The following IQGAP2 variants were observed in gnomAD, a reference collection of about 807,000 sequenced individuals.
The protein encoded by IQGAP2 is IQ motif containing GTPase activating protein 2.
In IQGAP2, 173 loss-of-function variants were observed where a neutral mutation model predicts 201.3. The ratio of observed to expected loss-of-function variants is 0.86; its 90% CI spans 0.76 to 0.98. IQGAP2 has a LOEUF of 0.98. Ranked by LOEUF, IQGAP2 falls within the 50% of genes least tolerant of loss-of-function variation. The probability of loss-of-function intolerance (pLI) is 0.00; values close to 1 mark genes in which losing one functional copy is unlikely to be tolerated. For synonymous variants in IQGAP2, 675 were observed against 673.9 expected (o/e 1.00, Z -0.03); for missense variants, 1,687 against 1,864.8 (o/e 0.90, Z 1.76).
chr5:76,616,091 C>T (rs573977751), intron 13 of IQGAP2: 1 of 152,526 alleles, frequency 6.6e-6, no homozygotes, highest in Non-Finnish European at 1.5e-5. Flanking sequence ...AGGATGAGCA[C>T]CTTCTCCATT....
At chr5:76,564,620 G>A (rs1179818714) in intron 3 of IQGAP2, among the ~76,000 whole-genome samples, 2 of 152,196 alleles carry the variant, frequency 1.3e-5, no homozygotes, top group Non-Finnish European at 2.9e-5. Context: ...TTCTCCTCCT[G>A]GCATCAGATA....
chr5:76,444,995 G>A lies in IQGAP2; in HGVS notation c.47-16575G>A, dbSNP rs148429128. 7.4e-4 allele frequency among the ~76,000 whole-genome samples: 113 copies of A among 152,276 alleles called. 1 individual carries two copies. In the South Asian group the frequency reaches 0.017, roughly 23 times the overall value. ...TACCATTTCTAATTTGAAACTCTTT[G>A]GTTCTGTGAAATTGGTTAAAGAGGC... On this transcript the variant is annotated intron_variant, in intron 1 of 35. Transcript: ENST00000274364.
intron 5 of IQGAP2, among the ~76,000 whole-genome samples, chr5:76,585,156 A>C (rs902121594): frequency 6.6e-6 from 1 of 152,354 alleles, no homozygotes; most frequent in Non-Finnish European, 1.5e-5. Flanking sequence ...TAGAGGTGGA[A>C]GCATCTAAGG....
intron 1 of IQGAP2, among the ~76,000 whole-genome samples, chr5:76,409,565 G>C (rs188666875): frequency 2.0e-5 from 3 of 152,180 alleles, no homozygotes; most frequent in South Asian, 2.1e-4. Context: ...GCTTTTCATA[G>C]AATACATCCA....
intron 16 of IQGAP2, among the ~76,000 whole-genome samples, chr5:76,639,561 G>A (rs987929271): frequency 6.6e-5 from 10 of 152,238 alleles, no homozygotes; most frequent in East Asian, 3.9e-4. Flanking sequence ...GGATCCACGC[G>A]TCATAATATG....
At chr5:76,452,408 A>G (rs1437497359) in intron 1 of IQGAP2, among the ~76,000 whole-genome samples, 1 of 151,980 alleles carries the variant, frequency 6.6e-6, no homozygotes, top group Non-Finnish European at 1.5e-5. Flanking sequence ...AGGAAGGGGG[A>G]CAGCCCTTGT....
intron 2 of IQGAP2, among the ~76,000 whole-genome samples, chr5:76,536,304 C>G (rs758774847): frequency 2.0e-5 from 3 of 150,850 alleles, no homozygotes; most frequent in Non-Finnish European, 4.4e-5. Context: ...CTACAGACCT[C>G]AGGTGATCCA....
intron 10 of IQGAP2, among the ~76,000 whole-genome samples, chr5:76,597,963 A>G (rs1455545007): frequency 6.6e-6 from 1 of 152,210 alleles, no homozygotes; most frequent in East Asian, 1.9e-4. Flanking sequence ...AAATAAGCTC[A>G]ATCTGCAATT....
intron 1 of IQGAP2, among the ~76,000 whole-genome samples, chr5:76,424,927 G>C (rs1297689889): frequency 6.6e-6 from 1 of 152,210 alleles, no homozygotes; most frequent in Admixed American, 6.5e-5. Flanking sequence ...TCTGTGAAGA[G>C]GAGACAGGCT....
intron 2 of IQGAP2, among the ~76,000 whole-genome samples, chr5:76,553,148 A>G (rs1743680563): frequency 6.6e-6 from 1 of 152,222 alleles, no homozygotes; most frequent in Admixed American, 6.5e-5. Flanking sequence ...ATTGGCCTCC[A>G]GCTAATGAAA....
intron 8 of IQGAP2, among the ~76,000 whole-genome samples, chr5:76,592,295 C>T (rs1255155145): frequency 6.6e-6 from 1 of 152,224 alleles, no homozygotes; most frequent in Non-Finnish European, 1.5e-5. Context: ...CAAGCTGTAG[C>T]CTAATGTGCT....
Position 76,461,384 on chromosome 5 carries a change from A to T in IQGAP2, c.47-186A>T, listed in dbSNP as rs576530014. 1.3e-3 allele frequency among the ~76,000 whole-genome samples: 197 copies of T among 151,320 alleles called. 1 individual carries two copies. Among genetic ancestry groups the T allele is most frequent in the East Asian group, 4.1e-3 (21 of 5,116 alleles). On this transcript the variant is annotated intron_variant, in intron 1 of 35. Transcript: ENST00000274364. ...TCCTGTCTCAAAAAAAAAAAAAATA[A>T]AAATAAAGGAAAAGAAATGATATTG... is the stretch of plus-strand genomic sequence containing the variant.
At position 76,575,658 on chromosome 5, in the gene IQGAP2, A is replaced by C. The variant is rs184214697; in HGVS notation, c.382-35A>C. 325 of 1,382,900 alleles carry C rather than the reference A, an allele frequency of 2.4e-4. 1 individual carries two copies. In the African/African-American group the frequency reaches 3.4e-3, roughly 14 times the overall value. The allele number at this position is 1,382,900 out of a possible 1,614,324, so 85.7% of individuals were successfully genotyped here. A position where few individuals can be genotyped will look rare whatever the true frequency, so the allele number is the denominator to read the frequency against. On this transcript the variant is annotated intron_variant, in intron 4 of 35. Coordinates refer to ENST00000274364, the MANE Select transcript of IQGAP2 (RefSeq NM_006633.5). Reference sequence around the variant, plus strand: ...AAGTTAAAATACTTGTGAGAAGCAAAACATATAATAAATATTGTTTCTTTT... The same window carrying C: ...AAGTTAAAATACTTGTGAGAAGCAACACATATAATAAATATTGTTTCTTTT...
chr5:76,668,237 G>A lies in IQGAP2; in HGVS notation c.2680-444G>A, dbSNP rs189503919. On this transcript the variant is annotated intron_variant, in intron 22 of 35. Coordinates refer to ENST00000274364, the MANE Select transcript of IQGAP2 (RefSeq NM_006633.5). The stretch of plus-strand genomic sequence containing the variant: ...ACTGGCTACCCGCCCTGTTTTCTGC[G>A]TCTCTACAATAAATATTAATATGTG... Among the ~76,000 whole-genome samples the A allele has an allele frequency of 4.1e-3, 627 of 151,928 alleles. 1 individual carries two copies. Among genetic ancestry groups the A allele is most frequent in the Non-Finnish European group, 6.9e-3 (466 of 67,974 alleles).
chr5:76,433,639 CTT>C (rs1303671482), intron 1 of IQGAP2, among the ~76,000 whole-genome samples: 1 of 152,156 alleles, frequency 6.6e-6, no homozygotes, highest in Non-Finnish European at 1.5e-5. Flanking sequence ...TCATTAAACT[CTT>C]TGTAATTAGA....
At chr5:76,503,180 T>C (rs1343864994) in intron 2 of IQGAP2, among the ~76,000 whole-genome samples, 6 of 147,820 alleles carry the variant, frequency 4.1e-5, no homozygotes, top group African/African-American at 1.5e-4. Context: ...TTTTCTTTTT[T>C]TTTTTTTTTT....
intron 1 of IQGAP2, among the ~76,000 whole-genome samples, chr5:76,437,369 T>G (rs1752768360): frequency 6.6e-6 from 1 of 152,100 alleles, no homozygotes; most frequent in South Asian, 2.1e-4. Flanking sequence ...TTTAAAAAAT[T>G]TTTATTTTAT....
intron 29 of IQGAP2, 72 bp downstream of exon 29, chr5:76,683,289 GTT>G: frequency 1.0e-6 from 1 of 964,550 alleles, no homozygotes; most frequent in Non-Finnish European, 1.6e-6. Context: ...TGGTTCGTTG[GTT>G]TTCCTATCCT....
At chr5:76,510,571 G>A (rs1323318988) in intron 2 of IQGAP2, 3 of 467,908 alleles carry the variant, frequency 6.4e-6, no homozygotes, top group South Asian at 3.1e-5. Flanking sequence ...TCATGGACAC[G>A]ATCTGGAAGG....
Sources: allele counts gnomAD v4.1 joint callset (sites outside exome capture counted in the v4.1 genomes callset), GRCh38; gene constraint gnomAD v4.1.1; transcripts MANE v1.5; gene names NCBI Gene and HGNC (gene_info 2026-07-23, HGNC 2026-07-21).